The following KCTD8 variants were observed in gnomAD, a reference collection of about 807,000 sequenced individuals.
The protein encoded by KCTD8 is potassium channel tetramerization domain containing 8, also known as BTB/POZ domain-containing protein KCTD8.
A neutral mutation model predicts 31.5 loss-of-function variants in KCTD8; 27 were observed. The observed-to-expected ratio is 0.86, with a 90% confidence interval of 0.63 to 1.18. The LOEUF is 1.18. Among genes scored for constraint, KCTD8 ranks in the 50% most tolerant of loss-of-function variants. The pLI, the probability that KCTD8 is intolerant of heterozygous loss-of-function variation, is 0.00. For missense variants in KCTD8, 658 were observed against 647.7 expected (o/e 1.02, Z -0.17); for synonymous variants, 290 against 280.0 (o/e 1.04, Z -0.36).
chr4:44,365,260 A>G (rs1195332781), intron 1 of KCTD8, among the ~76,000 whole-genome samples: 2 of 152,132 alleles, frequency 1.3e-5, no homozygotes, highest in Admixed American at 1.3e-4. Flanking sequence ...ATACTTTTCA[A>G]TAAAAAAAAT....
intron 1 of KCTD8, among the ~76,000 whole-genome samples, chr4:44,224,283 C>A (rs1332471320): frequency 6.6e-6 from 1 of 152,182 alleles, no homozygotes; most frequent in Non-Finnish European, 1.5e-5. Context: ...TTTCAAGTTA[C>A]ACCTCAGCAG....
intron 1 of KCTD8, among the ~76,000 whole-genome samples, chr4:44,246,131 A>G (rs763129083): frequency 2.6e-5 from 4 of 152,072 alleles, no homozygotes; most frequent in African/African-American, 7.2e-5. Context: ...TTACATGGGA[A>G]ATCCTTCTAA....
Position 44,447,641 on chromosome 4 carries a change from AGTT to A in KCTD8, c.880_882del (p.Asn294del). 6.2e-7 allele frequency: 1 copy of A among 1,609,140 alleles called. No homozygotes were observed. The highest frequency in any genetic ancestry group is 8.5e-7 in the Non-Finnish European group (1 of 1,178,110). ...TTGACGAAGGCGGCGGTGCCCGAGG[AGTT>A]ACACGCCACCATGTGGAAGCCGGCC... On this transcript the variant is annotated inframe_deletion, in exon 1 of 2. Coordinates refer to ENST00000360029, the MANE Select transcript of KCTD8 (RefSeq NM_198353.3).
chr4:44,295,073 C>T (rs1248924476), intron 1 of KCTD8, among the ~76,000 whole-genome samples: 1 of 151,946 alleles, frequency 6.6e-6, no homozygotes, highest in Non-Finnish European at 1.5e-5. Context: ...CAGGGGGATC[C>T]CTTGAGCCCA....
intron 1 of KCTD8, among the ~76,000 whole-genome samples, chr4:44,248,604 A>C (rs138953370): frequency 1.5e-3 from 228 of 152,038 alleles, no homozygotes; most frequent in South Asian, 9.3e-3. Flanking sequence ...TTGCACAAGC[A>C]TGAATCAATA....
At position 44,313,889 on chromosome 4, in the gene KCTD8, A is replaced by T. The variant is rs567891465; in HGVS notation, c.961+133674T>A. 3.9e-5 allele frequency among the ~76,000 whole-genome samples: 6 copies of T among 152,362 alleles called. No homozygotes were observed. The South Asian group carries it at 1.2e-3, about 32-fold the overall frequency. ...CATTCCAACAGAAAACAACATTTGCAGAAGCCTGTAAGGCATATCTGCCAA... is the reference window on the plus strand; with the variant it reads ...CATTCCAACAGAAAACAACATTTGCTGAAGCCTGTAAGGCATATCTGCCAA... On this transcript the variant is annotated intron_variant, in intron 1 of 1. Coordinates refer to ENST00000360029, the MANE Select transcript of KCTD8 (RefSeq NM_198353.3).
At chr4:44,348,409 G>A (rs2109423051) in intron 1 of KCTD8, among the ~76,000 whole-genome samples, 1 of 152,256 alleles carries the variant, frequency 6.6e-6, no homozygotes, top group East Asian at 1.9e-4. Flanking sequence ...TTGTTTCAGT[G>A]AGGGTAGAAA....
chr4:44,278,468 A>G (rs1716812338), intron 1 of KCTD8, among the ~76,000 whole-genome samples: 1 of 152,072 alleles, frequency 6.6e-6, no homozygotes, highest in Non-Finnish European at 1.5e-5. Context: ...AATGGTAATT[A>G]CTTTCATATT....
At chr4:44,266,460 C>T (rs1487348576) in intron 1 of KCTD8, among the ~76,000 whole-genome samples, 2 of 152,242 alleles carry the variant, frequency 1.3e-5, no homozygotes, top group East Asian at 3.9e-4. Context: ...TAAAGATCAT[C>T]GAGTCTAGGA....
At chr4:44,272,161 C>G (rs918677464) in intron 1 of KCTD8, among the ~76,000 whole-genome samples, 1 of 141,988 alleles carries the variant, frequency 7.0e-6, no homozygotes, top group Admixed American at 6.8e-5. Flanking sequence ...CCATAAGTAA[C>G]TGCTGTTTTT....
intron 1 of KCTD8, among the ~76,000 whole-genome samples, chr4:44,391,467 C>T (rs954345376): frequency 4.6e-5 from 7 of 151,808 alleles, no homozygotes; most frequent in African/African-American, 1.7e-4. Context: ...AATGTGAAAA[C>T]GATGAGGGTG....
intron 1 of KCTD8, among the ~76,000 whole-genome samples, chr4:44,193,106 AAAGAT>A (rs1160891899): frequency 6.6e-6 from 1 of 152,208 alleles, no homozygotes; most frequent in African/African-American, 2.4e-5. Context: ...ACTAGTTGAA[AAAGAT>A]AATAAGCTGA....
intron 1 of KCTD8, among the ~76,000 whole-genome samples, chr4:44,393,751 A>G (rs749877384): frequency 7.2e-4 from 109 of 151,924 alleles, no homozygotes; most frequent in Non-Finnish European, 1.4e-3. Flanking sequence ...GCCATGAACT[A>G]GTTATCCTCA....
At position 44,447,948 on chromosome 4, in the gene KCTD8, C is replaced by T. The variant is rs994668264; in HGVS notation, c.576G>A (p.Ala192=). ...CGCCGCCGCCGCCGCCACCACCGTG[C>T]GCTCCCGGGCCCGAGGGCACGGCGG... ...AAAAVPSGPG[A]HGGGGGGGAQ... Residue 192 remains alanine (A), a synonymous_variant, in exon 1 of 2, where the codon GCG becomes GCA. Transcript: ENST00000360029. 1.1e-5 allele frequency: 16 copies of T among 1,495,468 alleles called. No homozygotes were observed. The highest frequency in any genetic ancestry group is 1.4e-5 in the Non-Finnish European group (16 of 1,121,410). The allele number at this position is 1,495,468 out of a possible 1,614,324, so 92.6% of individuals were successfully genotyped here.
intron 1 of KCTD8, among the ~76,000 whole-genome samples, chr4:44,264,691 C>T (rs1716285016): frequency 6.6e-6 from 1 of 152,150 alleles, no homozygotes; most frequent in Non-Finnish European, 1.5e-5. Flanking sequence ...CCGAATACTG[C>T]TCTTTTCCGA....
At chr4:44,309,638 A>T (rs545109988) in intron 1 of KCTD8, among the ~76,000 whole-genome samples, 40 of 152,294 alleles carry the variant, frequency 2.6e-4, no homozygotes, top group Admixed American at 1.2e-3. Flanking sequence ...AAGGTGTATG[A>T]ACATAAAATA....
At chr4:44,180,614 C>G (rs1392443724) in intron 1 of KCTD8, among the ~76,000 whole-genome samples, 1 of 151,972 alleles carries the variant, frequency 6.6e-6, no homozygotes, top group Non-Finnish European at 1.5e-5. Context: ...CACACACACA[C>G]ACACACTTAG....
intron 1 of KCTD8, among the ~76,000 whole-genome samples, chr4:44,362,232 C>T (rs1286074272): frequency 6.6e-6 from 1 of 152,068 alleles, no homozygotes; most frequent in African/African-American, 2.4e-5. Flanking sequence ...TGTCTGAGAC[C>T]AAATTTTGGT....
chr4:44,293,618 A>T (rs971717417), intron 1 of KCTD8: 19 of 326,396 alleles, frequency 5.8e-5, no homozygotes, highest in Non-Finnish European at 1.1e-4. Flanking sequence ...CTAGTCTTTA[A>T]TTTTTTTTTT....
Sources: gnomAD v4.1 joint callset for allele counts (sites outside exome capture counted in the v4.1 genomes callset) on GRCh38, gnomAD v4.1.1 for gene constraint, MANE v1.5 for transcripts, NCBI Gene and HGNC (gene_info 2026-07-23, HGNC 2026-07-21) for gene names.